The following DDX21 variants were observed in gnomAD, a reference collection of about 807,000 sequenced individuals.
DDX21 encodes nucleolar RNA helicase 2.
In DDX21, 18 loss-of-function variants were observed where a neutral mutation model predicts 90.0. That is an observed-to-expected ratio of 0.20 (90% CI 0.14 to 0.30). The LOEUF (loss-of-function observed/expected upper bound fraction) is 0.30. Among genes scored for constraint, DDX21 ranks in the 10% least tolerant of loss-of-function variants. The probability of loss-of-function intolerance (pLI) is 1.00; values close to 1 mark genes in which losing one functional copy is unlikely to be tolerated. For synonymous variants in DDX21, 294 were observed against 318.0 expected (o/e 0.92, Z 0.80); for missense variants, 673 against 944.5 (o/e 0.71, Z 3.77).
In DDX21 at chr10:68,956,468, G is replaced by A. The variant is rs1228496811; in HGVS notation, c.87+156G>A. ...TCTTGGCGGGCGGTCGCCCAGGAGT[G>A]GTGCGCTCCCCGGGCAGTGGACGCG... On this transcript the variant is annotated intron_variant, in intron 1 of 14. Transcript: ENST00000354185. 7.5e-6 allele frequency: 11 copies of A among 1,462,060 alleles called. No individual in the cohort carries two copies. In the African/African-American group the frequency reaches 1.4e-4, roughly 19 times the overall value. The allele number at this position is 1,462,060 out of a possible 1,614,324, so 90.6% of individuals were successfully genotyped here.
chr10:68,966,958 C>A, intron 5 of DDX21, 60 bp from the exon 6 acceptor site: 1 of 1,408,372 alleles, frequency 7.1e-7, no homozygotes, highest in Non-Finnish European at 9.9e-7. Context: ...AACTGTGGTA[C>A]CCCACACAGA....
At chr10:68,958,046 C>T (rs911964668) in intron 1 of DDX21, among the ~76,000 whole-genome samples, 2 of 152,164 alleles carry the variant, frequency 1.3e-5, no homozygotes, top group African/African-American at 2.4e-5. Context: ...AAATTAAGTA[C>T]ATCTTTTTTA....
intron 13 of DDX21, among the ~76,000 whole-genome samples, chr10:68,980,333 G>C (rs1216608296): frequency 1.3e-5 from 2 of 152,220 alleles, no homozygotes; most frequent in East Asian, 3.9e-4. Flanking sequence ...AATGTTAGGG[G>C]CGTCTTTATC....
In DDX21 at chr10:68,967,218, C is replaced by T. The variant is rs1218082627; in HGVS notation, c.1090+15C>T. On this transcript the variant is annotated intron_variant, in intron 6 of 14. Coordinates refer to ENST00000354185, the MANE Select transcript of DDX21 (RefSeq NM_004728.4). ...ATACAAGAAAGGTAATCCACAAATT[C>T]AAGAAGCTGATAAAAAAGACCAAAG... 1 of 1,600,106 alleles carries T rather than the reference C, an allele frequency of 6.2e-7. No individual in the cohort carries two copies. Among genetic ancestry groups the T allele is most frequent in the East Asian group, 2.2e-5 (1 of 44,448 alleles).
chr10:68,977,874 C>T (rs1589289047), intron 12 of DDX21, among the ~76,000 whole-genome samples, 186 bp downstream of exon 12: 1 of 151,946 alleles, frequency 6.6e-6, no homozygotes, highest in African/African-American at 2.4e-5. Flanking sequence ...TTGGGAGGCA[C>T]AGGCAGGAGG....
At chr10:68,970,071 T>C (rs1843000476) in intron 7 of DDX21, 130 bp from the exon 8 acceptor site, 2 of 834,594 alleles carry the variant, frequency 2.4e-6, no homozygotes, top group African/African-American at 1.8e-5. Flanking sequence ...ACAGCTCTTA[T>C]CAGGCTTGAG....
chr10:68,956,305 C>G lies in DDX21; in HGVS notation c.80C>G (p.Thr27Ser). 6.2e-7 allele frequency: 1 copy of G among 1,614,174 alleles called. No individual in the cohort carries two copies. The highest frequency in any genetic ancestry group is 1.3e-5 in the African/African-American group (1 of 75,074). The change falls in exon 1 of 15, where the codon ACC becomes AGC. Residue 27 changes from threonine (T) to serine (S), a missense_variant. By Grantham distance (58) the Thr-to-Ser change is moderately conservative (BLOSUM62 1). Transcript: ENST00000354185. ...MKKGETLRKQ[T>S]EEKEKKEKPK... ...AAAGGGGAGACACTGCGAAAGCAAA[C>G]CGAGGAGGTGAAACGGAGGGACCTG... is the stretch of plus-strand genomic sequence containing the variant.
rs571790975 is a variant in DDX21 at position 68,983,746 on chromosome 10, T to C, written c.*934T>C. ...AACCAAACCACTGGAAATAATCAAA[T>C]GCAAAAAGGTAACAAATTCATAACT... On this transcript the variant is annotated 3_prime_UTR_variant, in exon 15 of 15. Coordinates refer to ENST00000354185, the MANE Select transcript of DDX21 (RefSeq NM_004728.4). 7.5e-6 allele frequency: 1 copy of C among 133,348 alleles called. No individual in the cohort carries two copies. Among genetic ancestry groups the C allele is most frequent in the African/African-American group, 2.7e-5 (1 of 36,718 alleles). The allele number at this position is 133,348 out of a possible 1,614,324, so 8.3% of individuals were successfully genotyped here.
chr10:68,957,627 C>G (rs1842816310), intron 1 of DDX21, among the ~76,000 whole-genome samples: 1 of 152,172 alleles, frequency 6.6e-6, no homozygotes, highest in Non-Finnish European at 1.5e-5. Flanking sequence ...TTGGCATGCT[C>G]AAATCCAGAG....
rs759360880 is a variant in DDX21, at chr10:68,978,990, C to G, written c.2037+14C>G. 1 of 1,613,846 alleles carries G rather than the reference C, an allele frequency of 6.2e-7. No homozygotes were observed. Among genetic ancestry groups the G allele is most frequent in the Non-Finnish European group, 8.5e-7 (1 of 1,179,868 alleles). On this transcript the variant is annotated intron_variant, in intron 13 of 14. Coordinates refer to ENST00000354185, the MANE Select transcript of DDX21 (RefSeq NM_004728.4). ...AAAGGAAAGCTGGTAAGGCTGGGGTCTCTGTTGTAACCTTGATGGGGCTTT... is the reference window on the plus strand; with the variant it reads ...AAAGGAAAGCTGGTAAGGCTGGGGTGTCTGTTGTAACCTTGATGGGGCTTT...
intron 10 of DDX21, 28 bp downstream of exon 10, chr10:68,973,692 C>A: frequency 6.2e-7 from 1 of 1,602,240 alleles, no homozygotes; most frequent in Non-Finnish European, 8.5e-7. Flanking sequence ...TTTCATTAAG[C>A]AAATGTTGAG....
At chr10:68,973,874 T>G (rs1164732542) in intron 10 of DDX21, among the ~76,000 whole-genome samples, 1 of 152,224 alleles carries the variant, frequency 6.6e-6, no homozygotes, top group Non-Finnish European at 1.5e-5. Context: ...TTTCATATGT[T>G]TGAAAGGAAG....
Position 68,984,097 on chromosome 10 carries a change from C to G in DDX21, c.*1285C>G, listed in dbSNP as rs1252139131. The G allele has an allele frequency of 6.6e-6, 1 of 152,210 alleles. No homozygotes were observed. The highest frequency in any genetic ancestry group is 2.4e-5 in the African/African-American group (1 of 41,454). The allele number at this position is 152,210 out of a possible 1,614,324, so 9.4% of individuals were successfully genotyped here. A position where few individuals can be genotyped will look rare whatever the true frequency, so the allele number is the denominator to read the frequency against. ...AGATATTATTTCTCTGGGAAACATTCTACATAGCACAGGAGCTTAAGAGTG... is the reference window on the plus strand; with the variant it reads ...AGATATTATTTCTCTGGGAAACATTGTACATAGCACAGGAGCTTAAGAGTG... On this transcript the variant is annotated 3_prime_UTR_variant, in exon 15 of 15. Coordinates refer to ENST00000354185, the MANE Select transcript of DDX21 (RefSeq NM_004728.4).
chr10:68,968,848 G>A, intron 6 of DDX21, 128 bp from the exon 7 acceptor site: 1 of 1,020,844 alleles, frequency 9.8e-7, no homozygotes, highest in East Asian at 2.6e-5. Context: ...TGTGTCCTCA[G>A]TGCCCGACTT....
Position 68,984,892 on chromosome 10 carries a change from G to A in DDX21, c.*2080G>A, listed in dbSNP as rs1843245712. The A allele has an allele frequency of 6.6e-6, 1 of 151,972 alleles. No homozygotes were observed. Among genetic ancestry groups the A allele is most frequent in the South Asian group, 2.1e-4 (1 of 4,816 alleles). 9.4% of individuals were successfully genotyped at this position (151,972 alleles called of 1,614,324 possible). ...CTTTTTGGTTTAAATGAACTTGTTGGGTTAGCTTGGTAAATGTTATAATTT... is the reference window on the plus strand; with the variant it reads ...CTTTTTGGTTTAAATGAACTTGTTGAGTTAGCTTGGTAAATGTTATAATTT... On this transcript the variant is annotated 3_prime_UTR_variant, in exon 15 of 15. Coordinates refer to ENST00000354185, the MANE Select transcript of DDX21 (RefSeq NM_004728.4).
chr10:68,969,459 T>C (rs1328568376), intron 7 of DDX21, among the ~76,000 whole-genome samples: 1 of 152,194 alleles, frequency 6.6e-6, no homozygotes, highest in African/African-American at 2.4e-5. Flanking sequence ...TTTGTATTTT[T>C]AGTAGAGACA....
rs1287695906 is a variant in DDX21 at position 68,960,021 on chromosome 10, C to T, written c.303C>T (p.Pro101=). The T allele has an allele frequency of 1.2e-6, 2 of 1,603,366 alleles. No individual in the cohort carries two copies. Among genetic ancestry groups the T allele is most frequent in the Non-Finnish European group, 8.5e-7 (1 of 1,177,802 alleles). The change falls in exon 2 of 15, where the codon CCC becomes CCT. Residue 101 remains proline, a synonymous_variant. Transcript: ENST00000354185. ...KTKSLRKKKE[P]IEKKVVSSKT... ...AAAGTTTGAGAAAGAAAAAGGAGCC[C>T]ATTGAAAAGAAAGTGGTTTCTTCTA...
intron 6 of DDX21, among the ~76,000 whole-genome samples, chr10:68,968,123 C>T (rs1222786217): frequency 6.6e-6 from 1 of 151,862 alleles, no homozygotes; most frequent in Non-Finnish European, 1.5e-5. Flanking sequence ...TTCCCTCCCA[C>T]TTTGGCCTCC....
Position 68,969,044 on chromosome 10 carries a change from A to G in DDX21, c.1159A>G (p.Lys387Glu), listed in dbSNP as rs780232916. Residue 387 changes from lysine to glutamate, a missense_variant, in exon 7 of 15, where the codon AAG becomes GAG. By Grantham distance (56) the Lys-to-Glu change is moderately conservative (BLOSUM62 1). Coordinates refer to ENST00000354185, the MANE Select transcript of DDX21 (RefSeq NM_004728.4). ...TCPHWVFNVA[K>E]KYMKSTYEQV... The stretch of plus-strand genomic sequence containing the variant: ...CCCTCATTGGGTATTTAATGTTGCC[A>G]AGAAATACATGAAATCTACATATGA... The G allele has an allele frequency of 3.1e-6, 5 of 1,614,022 alleles. No individual in the cohort carries two copies. In the Admixed American group the frequency reaches 8.3e-5, roughly 27 times the overall value.
Sources: gnomAD v4.1 joint callset for allele counts (sites outside exome capture counted in the v4.1 genomes callset) on GRCh38, gnomAD v4.1.1 for gene constraint, MANE v1.5 for transcripts, NCBI Gene and HGNC (gene_info 2026-07-23, HGNC 2026-07-21) for gene names.